Variants in DCC observed in about 807,000 individuals in gnomAD.
DCC encodes the protein DCC netrin 1 receptor.
Under a neutral mutation model 172.5 loss-of-function variants are expected in DCC, and 58 were observed. That is an observed-to-expected ratio of 0.34 (90% CI 0.27 to 0.42). The LOEUF is 0.42. DCC is among the 10% of genes least tolerant of loss of function. The pLI, the probability that DCC is intolerant of heterozygous loss-of-function variation, is 1.00. For synonymous variants in DCC, 709 were observed against 644.5 expected (o/e 1.10, Z -1.52); for missense variants, 1,740 against 1,791.0 (o/e 0.97, Z 0.51).
At chr18:52,494,926 C>T (rs975379409) in intron 1 of DCC, among the ~76,000 whole-genome samples, 8 of 151,948 alleles carry the variant, frequency 5.3e-5, no homozygotes, top group African/African-American at 1.5e-4. Context: ...ATTGAGCATC[C>T]ACTGTCTTCC....
chr18:52,377,818 T>C (rs1985416665), intron 1 of DCC, among the ~76,000 whole-genome samples: 1 of 151,424 alleles, frequency 6.6e-6, no homozygotes. Flanking sequence ...GCAATTCTCA[T>C]ACCTCAGCCA....
chr18:52,583,590 G>A (rs2033604304), intron 1 of DCC, among the ~76,000 whole-genome samples: 1 of 152,084 alleles, frequency 6.6e-6, no homozygotes, highest in African/African-American at 2.4e-5. Context: ...TGAATAATTA[G>A]CTTTTCTTGG....
chr18:52,929,210 C>T (rs1178927836), intron 5 of DCC, among the ~76,000 whole-genome samples: 2 of 152,122 alleles, frequency 1.3e-5, no homozygotes, highest in African/African-American at 2.4e-5. Flanking sequence ...CAAACGAAGG[C>T]ATTTTAGCAC....
At position 53,532,504 on chromosome 18, in the gene DCC, A is replaced by ACTC. The variant is rs879558608; in HGVS notation, c.*1852_*1854dup. ...GTGATGTTGTTCTATGGGACAGACTACTCTTATTTAACATCTGGGCACTTA... is the reference window on the plus strand; with the variant it reads ...GTGATGTTGTTCTATGGGACAGACTACTCCTCTTATTTAACATCTGGGCACTTA... On this transcript the variant is annotated 3_prime_UTR_variant, in exon 29 of 29. Coordinates refer to ENST00000442544, the MANE Select transcript of DCC (RefSeq NM_005215.4). 1 of 152,144 alleles carries ACTC rather than the reference A, an allele frequency of 6.6e-6. No individual in the cohort carries two copies. The highest frequency in any genetic ancestry group is 1.5e-5 in the Non-Finnish European group (1 of 68,014). 9.4% of individuals were successfully genotyped at this position (152,144 alleles called of 1,614,324 possible).
At chr18:52,464,564 A>G (rs1988728520) in intron 1 of DCC, among the ~76,000 whole-genome samples, 1 of 152,182 alleles carries the variant, frequency 6.6e-6, no homozygotes, top group South Asian at 2.1e-4. Flanking sequence ...AAAATTTGCA[A>G]TTATCTACTT....
chr18:52,694,923 C>G (rs2035988098), intron 1 of DCC, among the ~76,000 whole-genome samples: 1 of 152,178 alleles, frequency 6.6e-6, no homozygotes, highest in Non-Finnish European at 1.5e-5. Context: ...ATAGAAGATA[C>G]AATTTCTAGA....
chr18:53,111,077 T>C (rs1165696742), intron 7 of DCC, among the ~76,000 whole-genome samples: 1 of 148,092 alleles, frequency 6.8e-6, no homozygotes, highest in African/African-American at 2.5e-5. Context: ...CCATAAAAAA[T>C]GATGAGTTCA....
chr18:52,706,288 G>A (rs1413736891), intron 1 of DCC, among the ~76,000 whole-genome samples: 2 of 152,180 alleles, frequency 1.3e-5, no homozygotes, highest in African/African-American at 2.4e-5. Context: ...AGTCCCTATA[G>A]CACTTAGATA....
At chr18:52,497,339 G>T (rs1224771284) in intron 1 of DCC, among the ~76,000 whole-genome samples, 1 of 10,074 alleles carries the variant, frequency 9.9e-5, no homozygotes, top group Non-Finnish European at 2.3e-4. Context: ...ATATACACAC[G>T]TATGCATATA....
rs114886112 is a variant in DCC, at chr18:52,487,350, C to T, written c.91+146472C>T. Among the ~76,000 whole-genome samples the T allele has an allele frequency of 5.9e-3, 903 of 152,176 alleles. 10 individuals carry two copies. Among genetic ancestry groups the T allele is most frequent in the African/African-American group, 0.019 (792 of 41,544 alleles). Reference sequence around the variant, plus strand: ...GGAGGCTGTTAAACTGAACTCTGGTCTTTGTTCTATCATTGAGATACTCAG... The same window carrying T: ...GGAGGCTGTTAAACTGAACTCTGGTTTTTGTTCTATCATTGAGATACTCAG... On this transcript the variant is annotated intron_variant, in intron 1 of 28. Coordinates refer to ENST00000442544, the MANE Select transcript of DCC (RefSeq NM_005215.4).
intron 1 of DCC, among the ~76,000 whole-genome samples, chr18:52,577,722 C>T (rs2033448890): frequency 6.6e-6 from 1 of 152,106 alleles, no homozygotes; most frequent in African/African-American, 2.4e-5. Flanking sequence ...GAAGATTGCC[C>T]TTGGCCTTAG....
chr18:53,225,220 G>C (rs1269266681), intron 12 of DCC, among the ~76,000 whole-genome samples: 3 of 152,170 alleles, frequency 2.0e-5, no homozygotes, highest in Non-Finnish European at 4.4e-5. Context: ...TAAGTAGAGT[G>C]ACTATAGATT....
chr18:52,849,591 C>G (rs2038944880), intron 2 of DCC, among the ~76,000 whole-genome samples: 1 of 152,180 alleles, frequency 6.6e-6, no homozygotes, highest in Non-Finnish European at 1.5e-5. Context: ...TCTTTTGTAC[C>G]TATTTCCAAA....
chr18:53,296,676 A>G (rs1213039525), intron 12 of DCC, among the ~76,000 whole-genome samples: 1 of 152,196 alleles, frequency 6.6e-6, no homozygotes, highest in African/African-American at 2.4e-5. Context: ...GGACTCAGTG[A>G]AAATAAATTC....
At chr18:52,392,292 C>T (rs1299073909) in intron 1 of DCC, among the ~76,000 whole-genome samples, 1 of 152,074 alleles carries the variant, frequency 6.6e-6, no homozygotes, top group Non-Finnish European at 1.5e-5. Flanking sequence ...AATCCTCTAT[C>T]TGTGCCGAAG....
At chr18:52,749,815 T>C (rs1179979389) in intron 1 of DCC, among the ~76,000 whole-genome samples, 1 of 152,248 alleles carries the variant, frequency 6.6e-6, no homozygotes, top group Non-Finnish European at 1.5e-5. Context: ...GTTTAAAATA[T>C]AGGCCCCAGG....
chr18:53,199,607 CAT>C (rs10587373), intron 9 of DCC, among the ~76,000 whole-genome samples: 130,860 of 149,488 alleles, frequency 0.88, 57,344 homozygotes, highest in Middle Eastern at 0.92. Flanking sequence ...TATGTAAGAA[CAT>C]ATATATATAT....
At chr18:53,026,429 G>A (rs1026691966) in intron 5 of DCC, among the ~76,000 whole-genome samples, 1 of 151,926 alleles carries the variant, frequency 6.6e-6, no homozygotes, top group Non-Finnish European at 1.5e-5. Flanking sequence ...GTGATTTTTT[G>A]ATTCAACATT....
At chr18:52,818,120 G>C (rs1041093115) in intron 2 of DCC, 4 of 152,208 alleles carry the variant, frequency 2.6e-5, no homozygotes, top group African/African-American at 9.7e-5. Context: ...GCTCATGCCT[G>C]TAATCCCAGC....
Sources: gnomAD v4.1 joint callset for allele counts (sites outside exome capture counted in the v4.1 genomes callset) on GRCh38, gnomAD v4.1.1 for gene constraint, MANE v1.5 for transcripts, NCBI Gene and HGNC (gene_info 2026-07-23, HGNC 2026-07-21) for gene names.